GPR39: variants seen among roughly 807,000 people sequenced by gnomAD.
GPR39 encodes the protein G protein-coupled receptor 39, also known as zinc sensing receptor.
In GPR39, 23 loss-of-function variants were observed where a neutral mutation model predicts 18.4. That is an observed-to-expected ratio of 1.25 (90% CI 0.90 to 1.77). The LOEUF is 1.77. Among genes scored for constraint, GPR39 ranks in the 40% most tolerant of loss-of-function variants. The pLI, the probability that GPR39 is intolerant of heterozygous loss-of-function variation, is 0.00. For missense variants in GPR39, 647 were observed against 602.4 expected (o/e 1.07, Z -0.78); for synonymous variants, 280 against 257.9 (o/e 1.09, Z -0.82).
intron 1 of GPR39, among the ~76,000 whole-genome samples, chr2:132,500,520 G>A (rs1031246964): frequency 6.6e-6 from 1 of 152,024 alleles, no homozygotes; most frequent in Non-Finnish European, 1.5e-5. Context: ...TGTTCATCAG[G>A]GATATTGGTC....
chr2:132,646,043 C>A lies in GPR39; in HGVS notation c.*437C>A. 1 of 1,552,648 alleles carries A rather than the reference C, an allele frequency of 6.4e-7. No homozygotes were observed. Among genetic ancestry groups the A allele is most frequent in the Non-Finnish European group, 8.7e-7 (1 of 1,146,626 alleles). On this transcript the variant is annotated 3_prime_UTR_variant, in exon 2 of 2. Transcript: ENST00000329321. ...CAGGAGGGGGTGGCATCTCCTTCAG[C>A]TTCAGCAGTGTGCCGAGAAGAGGGC... is the stretch of plus-strand genomic sequence containing the variant.
chr2:132,553,546 C>T (rs1225933368), intron 1 of GPR39, among the ~76,000 whole-genome samples: 2 of 151,982 alleles, frequency 1.3e-5, no homozygotes, highest in Admixed American at 6.6e-5. Flanking sequence ...GACACAGTCC[C>T]TCCTCGAGGG....
At chr2:132,488,245 C>T (rs1681382850) in intron 1 of GPR39, among the ~76,000 whole-genome samples, 1 of 152,178 alleles carries the variant, frequency 6.6e-6, no homozygotes, top group Non-Finnish European at 1.5e-5. Context: ...AGTTCTTCAA[C>T]ATCTCAACTT....
intron 1 of GPR39, among the ~76,000 whole-genome samples, chr2:132,495,679 C>G (rs989191627): frequency 6.6e-6 from 1 of 152,142 alleles, no homozygotes; most frequent in Non-Finnish European, 1.5e-5. Flanking sequence ...AAATTTCCTG[C>G]CAGGGAGCAG....
chr2:132,558,519 T>C (rs4145337), intron 1 of GPR39, among the ~76,000 whole-genome samples: 96,966 of 152,080 alleles, frequency 0.64, 32,464 homozygotes, highest in East Asian at 0.92. Context: ...AGATCCTTTC[T>C]GACACAATGT....
At chr2:132,611,137 G>A (rs774021143) in intron 1 of GPR39, among the ~76,000 whole-genome samples, 6 of 152,178 alleles carry the variant, frequency 3.9e-5, no homozygotes, top group Admixed American at 1.3e-4. Context: ...TTCTGAGTTC[G>A]GACATAGTGT....
At chr2:132,575,543 G>A (rs1680515636) in intron 1 of GPR39, among the ~76,000 whole-genome samples, 1 of 152,142 alleles carries the variant, frequency 6.6e-6, no homozygotes, top group African/African-American at 2.4e-5. Flanking sequence ...TTCCAGAGTG[G>A]TTGTACCATA....
At chr2:132,629,690 G>A (rs527911037) in intron 1 of GPR39, among the ~76,000 whole-genome samples, 9 of 152,284 alleles carry the variant, frequency 5.9e-5, no homozygotes, top group Admixed American at 2.0e-4. Context: ...TCTGTGATTC[G>A]AATGTGTTGC....
At chr2:132,430,021 G>C (rs1680195922) in intron 1 of GPR39, among the ~76,000 whole-genome samples, 1 of 152,252 alleles carries the variant, frequency 6.6e-6, no homozygotes, top group Non-Finnish European at 1.5e-5. Context: ...GCCATGGAAA[G>C]CTTTTGAGAA....
chr2:132,558,263 T>G (rs1383031407), intron 1 of GPR39, among the ~76,000 whole-genome samples: 1 of 152,120 alleles, frequency 6.6e-6, no homozygotes. Flanking sequence ...AGACTAGCAA[T>G]ACCTGCTCTG....
chr2:132,479,243 TC>T (rs1681187473), intron 1 of GPR39, among the ~76,000 whole-genome samples: 1 of 152,146 alleles, frequency 6.6e-6, no homozygotes, highest in Non-Finnish European at 1.5e-5. Context: ...AACTTTTTGT[TC>T]CGTAGTGAGA....
At chr2:132,567,484 C>CCTGTG (rs1680371177) in intron 1 of GPR39, among the ~76,000 whole-genome samples, 1 of 152,150 alleles carries the variant, frequency 6.6e-6, no homozygotes, top group Non-Finnish European at 1.5e-5. Context: ...ATGCTCCAGC[C>CCTGTG]CTCTCTCTGT....
At chr2:132,445,524 CTT>C (rs1004237262) in intron 1 of GPR39, among the ~76,000 whole-genome samples, 3 of 152,170 alleles carry the variant, frequency 2.0e-5, no homozygotes, top group Admixed American at 1.3e-4. Flanking sequence ...ATGTAATAGA[CTT>C]AACCTTGATA....
intron 1 of GPR39, among the ~76,000 whole-genome samples, chr2:132,600,954 T>C (rs1681032936): frequency 6.6e-6 from 1 of 152,156 alleles, no homozygotes; most frequent in African/African-American, 2.4e-5. Context: ...CAACCTTCCC[T>C]CCTCTGCATC....
rs1459296638 is a variant in GPR39, at chr2:132,471,433, A to C, written c.856+53535A>C. 4.6e-5 allele frequency among the ~76,000 whole-genome samples: 7 copies of C among 152,114 alleles called. 1 individual carries two copies. On this transcript the variant is annotated intron_variant, in intron 1 of 1. Transcript: ENST00000329321. ...CTTTACTGTATCCACTAGTCGGTGC[A>C]ACCTCTCTAGGAACCTGGTAGAGTC...
chr2:132,425,178 T>G (rs1382811750), intron 1 of GPR39, among the ~76,000 whole-genome samples: 2 of 152,206 alleles, frequency 1.3e-5, no homozygotes, highest in East Asian at 1.9e-4. Flanking sequence ...TATATCTCAG[T>G]GCCTCCCACT....
At chr2:132,492,519 T>TATACACACC (rs1681498988) in intron 1 of GPR39, among the ~76,000 whole-genome samples, 1 of 122,956 alleles carries the variant, frequency 8.1e-6, no homozygotes, top group Admixed American at 9.8e-5. Flanking sequence ...ATATACCATA[T>TATACACACC]ATATACACCA....
Position 132,532,359 on chromosome 2 carries a change from A to G in GPR39, c.857-112742A>G, listed in dbSNP as rs568386080. ...AAATTGTGGCAATAATTAATAGCTT[A>G]CCAACCCAAAAAAAGTCCAGGACCA... On this transcript the variant is annotated intron_variant, in intron 1 of 1. Transcript: ENST00000329321. Among the ~76,000 whole-genome samples the G allele has an allele frequency of 3.9e-5, 6 of 152,326 alleles. No individual in the cohort carries two copies. In the South Asian group the frequency reaches 8.3e-4, roughly 21 times the overall value.
intron 1 of GPR39, among the ~76,000 whole-genome samples, chr2:132,627,027 G>A (rs1416148762): frequency 6.6e-6 from 1 of 152,172 alleles, no homozygotes; most frequent in African/African-American, 2.4e-5. Context: ...CCCAGTGTTG[G>A]GGATGTCATG....
Sources: gnomAD v4.1 joint callset for allele counts (sites outside exome capture counted in the v4.1 genomes callset) on GRCh38, gnomAD v4.1.1 for gene constraint, MANE v1.5 for transcripts, NCBI Gene and HGNC (gene_info 2026-07-23, HGNC 2026-07-21) for gene names.